Variants in TBC1D2B observed in about 807,000 individuals in gnomAD.
TBC1D2B encodes the protein TBC1 domain family member 2B.
In TBC1D2B, 64 loss-of-function variants were observed where a neutral mutation model predicts 100.8. The observed-to-expected ratio is 0.64, with a 90% confidence interval of 0.52 to 0.78. The LOEUF (loss-of-function observed/expected upper bound fraction) is 0.78. Ranked by LOEUF, TBC1D2B falls within the 30% of genes least tolerant of loss-of-function variation. TBC1D2B has a pLI of 0.00. For missense variants in TBC1D2B, 1,052 were observed against 1,218.4 expected (o/e 0.86, Z 2.03); for synonymous variants, 480 against 479.7 (o/e 1.00, Z -0.01).
rs1013583088 is a variant in TBC1D2B at position 78,077,211 on chromosome 15, G to A, written c.360+82C>T. The A allele has an allele frequency of 4.5e-5, 63 of 1,388,834 alleles. 1 individual carries two copies. In the Middle Eastern group the frequency reaches 7.9e-4, roughly 18 times the overall value. 86.0% of individuals were successfully genotyped at this position (1,388,834 alleles called of 1,614,324 possible). On this transcript the variant is annotated intron_variant, in intron 1 of 12. Transcript: ENST00000300584. ...AGGGGCGAGGAGGCCTTGGAGGAAG[G>A]AGGGTGGATGGCGCAAGCCAGTGGC...
chr15:78,064,128 A>G (rs531287630), intron 1 of TBC1D2B, among the ~76,000 whole-genome samples: 15 of 152,130 alleles, frequency 9.9e-5, no homozygotes, highest in Non-Finnish European at 1.6e-4. Context: ...AGCCTTCACA[A>G]TCTCTGCTCC....
At chr15:78,073,989 G>C (rs1596333715) in intron 1 of TBC1D2B, among the ~76,000 whole-genome samples, 1 of 151,672 alleles carries the variant, frequency 6.6e-6, no homozygotes, top group Non-Finnish European at 1.5e-5. Flanking sequence ...AGGGAGCAGG[G>C]TTTTAGAGTC....
rs1454415596 is a variant in TBC1D2B at position 78,077,295 on chromosome 15, T to C, written c.358A>G (p.Lys120Glu). The change falls in exon 1 of 13, where the codon AAG (lysine) becomes GAG (glutamate). Residue 120 changes from lysine (K) to glutamate (E), a missense_variant and splice_region_variant. Transcript: ENST00000300584. ...VHSAGAVTVL[K>E]APNRQLMTYW... Reference sequence around the variant, plus strand: ...GGCTTTGGGGCGAGCGGTCCCACCTTGAGCACCGTGACGGCTCCCGCGCTG... The same window carrying C: ...GGCTTTGGGGCGAGCGGTCCCACCTCGAGCACCGTGACGGCTCCCGCGCTG... The C allele has an allele frequency of 1.3e-6, 2 of 1,508,340 alleles. No individual in the cohort carries two copies. The highest frequency in any genetic ancestry group is 1.3e-5 in the South Asian group (1 of 79,718). 93.4% of individuals were successfully genotyped at this position (1,508,340 alleles called of 1,614,324 possible).
rs1246784534 is a variant in TBC1D2B, at chr15:78,040,689, GA to G, written c.683+4210del. Among the ~76,000 whole-genome samples, 32 of 113,628 alleles carry G rather than the reference GA, an allele frequency of 2.8e-4. No individual in the cohort carries two copies. The East Asian group carries it at 3.3e-3, about 12-fold the overall frequency. The allele number at this position is 113,628 out of a possible 152,430, so 74.5% of individuals were successfully genotyped here. A position where few individuals can be genotyped will look rare whatever the true frequency, so the allele number is the denominator to read the frequency against. On this transcript the variant is annotated intron_variant, in intron 3 of 12. Transcript: ENST00000300584. ...GAGAAAGAAAAAGAAAAGAAAGAAA[GA>G]AAGGGGGGGAGGGAGGGAGGAAGGA... is the stretch of plus-strand genomic sequence containing the variant.
In TBC1D2B at chr15:78,013,268, CT is replaced by C; in HGVS notation, c.1824del (p.Glu609ArgfsTer12). The C allele has an allele frequency of 6.2e-7, 1 of 1,614,000 alleles. No individual in the cohort carries two copies. Among genetic ancestry groups the C allele is most frequent in the Non-Finnish European group, 8.5e-7 (1 of 1,179,880 alleles). On this transcript the variant is annotated frameshift_variant, in exon 9 of 13. Coordinates refer to ENST00000300584, the MANE Select transcript of TBC1D2B (RefSeq NM_144572.2). LOFTEE classifies it high-confidence loss of function. Reference sequence around the variant, plus strand: ...GCGCGGACCTTGGCAACCAATTTCTCTTCCTCATCATCCTCAGGTACAGTCC... The same window carrying C: ...GCGCGGACCTTGGCAACCAATTTCTCTCCTCATCATCCTCAGGTACAGTCC... ...GFRTVPEDDE[E>X]EKLVAKVRAL... is the part of the protein sequence containing the mutation.
At chr15:78,038,337 T>C (rs1370988790) in intron 3 of TBC1D2B, among the ~76,000 whole-genome samples, 1 of 149,962 alleles carries the variant, frequency 6.7e-6, no homozygotes, top group Non-Finnish European at 1.5e-5. Context: ...CAGTGAGGAG[T>C]GGGAGGAACA....
Position 77,995,257 on chromosome 15 carries a change from T to C in TBC1D2B, c.*2903A>G, listed in dbSNP as rs1387392570. 1 of 152,194 alleles carries C rather than the reference T, an allele frequency of 6.6e-6. No individual in the cohort carries two copies. Among genetic ancestry groups the C allele is most frequent in the Non-Finnish European group, 1.5e-5 (1 of 68,044 alleles). 9.4% of individuals were successfully genotyped at this position (152,194 alleles called of 1,614,324 possible). A position where few individuals can be genotyped will look rare whatever the true frequency, so the allele number is the denominator to read the frequency against. On this transcript the variant is annotated 3_prime_UTR_variant, in exon 13 of 13. Transcript: ENST00000300584. ...AACACTATAGGATGGCAGGTGGGGA[T>C]CTGTGCAATACAAACATGTAGCTAG...
intron 7 of TBC1D2B, among the ~76,000 whole-genome samples, chr15:78,017,593 A>G (rs2072410288): frequency 6.6e-6 from 1 of 152,242 alleles, no homozygotes; most frequent in Non-Finnish European, 1.5e-5. Flanking sequence ...CATTTTCTGT[A>G]GCTTCTCATT....
intron 3 of TBC1D2B, among the ~76,000 whole-genome samples, chr15:78,040,884 G>GAAAGAAAGAAAAGAAAGAAAGAAAGAA (rs1307551330): frequency 1.1e-5 from 1 of 90,372 alleles, no homozygotes; most frequent in Non-Finnish European, 2.4e-5. Flanking sequence ...GAAAGAAAGA[G>GAAAGAAAGAAAAGAAAGAAAGAAAGAA]AGAGAGAGAG....
At chr15:78,068,383 C>CCACACCCACA (rs1555422890) in intron 1 of TBC1D2B, among the ~76,000 whole-genome samples, 7 of 143,012 alleles carry the variant, frequency 4.9e-5, no homozygotes, top group Non-Finnish European at 9.1e-5. Flanking sequence ...CACACCACAC[C>CCACACCCACA]CACACACACA....
Position 77,999,033 on chromosome 15 carries a change from C to G in TBC1D2B, c.2697-678G>C, listed in dbSNP as rs2071841365. On this transcript the variant is annotated intron_variant, in intron 12 of 12. Transcript: ENST00000300584. ...GGCTTAATAAAAACAAGACCAAAAG[C>G]TGTCCTGAGGCCTGGCTATGGATTT... 26 of 229,562 alleles carry G rather than the reference C, an allele frequency of 1.1e-4. No individual in the cohort carries two copies. The South Asian group carries it at 1.3e-3, about 12-fold the overall frequency. The allele number at this position is 229,562 out of a possible 1,614,324, so 14.2% of individuals were successfully genotyped here.
At chr15:78,034,897 A>G (rs922907972) in intron 3 of TBC1D2B, among the ~76,000 whole-genome samples, 24 of 151,982 alleles carry the variant, frequency 1.6e-4, no homozygotes, top group African/African-American at 5.3e-4. Flanking sequence ...AGACACACTC[A>G]CCCTGTCTGC....
intron 6 of TBC1D2B, among the ~76,000 whole-genome samples, chr15:78,018,171 C>A (rs1157823960): frequency 6.6e-6 from 1 of 152,188 alleles, no homozygotes; most frequent in East Asian, 1.9e-4. Context: ...ACTGCCGTAA[C>A]GGAGATGGAG....
At chr15:78,028,377 A>G (rs2072725141) in intron 4 of TBC1D2B, among the ~76,000 whole-genome samples, 1 of 152,220 alleles carries the variant, frequency 6.6e-6, no homozygotes, top group African/African-American at 2.4e-5. Flanking sequence ...CAGGAGGCTG[A>G]GGCAGAATCG....
intron 2 of TBC1D2B, among the ~76,000 whole-genome samples, chr15:78,046,845 G>C (rs2141778639): frequency 6.6e-6 from 1 of 152,052 alleles, no homozygotes; most frequent in East Asian, 1.9e-4. Flanking sequence ...AAAGGTCACT[G>C]AGCACTGGTA....
chr15:78,043,345 G>A (rs2073128021), intron 3 of TBC1D2B, among the ~76,000 whole-genome samples: 2 of 152,186 alleles, frequency 1.3e-5, no homozygotes, highest in South Asian at 2.1e-4. Flanking sequence ...CTACAGGACA[G>A]CAAGAAACTT....
chr15:78,077,536 G>A lies in TBC1D2B; in HGVS notation c.117C>T (p.Gly39=), dbSNP rs1419439913. The stretch of plus-strand genomic sequence containing the variant: ...CCTTGCCCGACAGCTTCTGCAGATA[G>A]CCACACAGCCGCGCTGGCTCCCGCG... ...GPAREPARLC[G]YLQKLSGKGP... The change falls in exon 1 of 13, where the codon GGC becomes GGT. Residue 39 remains glycine (G), a synonymous_variant. Coordinates refer to ENST00000300584, the MANE Select transcript of TBC1D2B (RefSeq NM_144572.2). 19 of 1,498,160 alleles carry A rather than the reference G, an allele frequency of 1.3e-5. No individual in the cohort carries two copies. In the Middle Eastern group the frequency reaches 6.0e-4, roughly 47 times the overall value. The allele number at this position is 1,498,160 out of a possible 1,614,324, so 92.8% of individuals were successfully genotyped here.
chr15:78,012,395 C>T (rs1220587024), intron 9 of TBC1D2B, among the ~76,000 whole-genome samples: 1 of 152,204 alleles, frequency 6.6e-6, no homozygotes, highest in Non-Finnish European at 1.5e-5. Flanking sequence ...AGTTTAAGTC[C>T]ATGAAGGGCT....
intron 12 of TBC1D2B, 99 bp downstream of exon 12, chr15:78,001,519 AT>A (rs2071912552): frequency 1.4e-6 from 2 of 1,388,762 alleles, no homozygotes; most frequent in Non-Finnish European, 9.6e-7. Context: ...TACACCGGGG[AT>A]GGCTCTGAGT....
Sources: allele counts gnomAD v4.1 joint callset (sites outside exome capture counted in the v4.1 genomes callset), GRCh38; gene constraint gnomAD v4.1.1; transcripts MANE v1.5; gene names NCBI Gene and HGNC (gene_info 2026-07-23, HGNC 2026-07-21).